MMAA: variants seen among roughly 807,000 people sequenced by gnomAD.
MMAA encodes metabolism of cobalamin associated A, also known as methylmalonic aciduria type A protein, mitochondrial.
Under a neutral mutation model 45.0 loss-of-function variants are expected in MMAA, and 41 were observed. That is an observed-to-expected ratio of 0.91 (90% CI 0.71 to 1.18). The LOEUF is 1.18. Among genes scored for constraint, MMAA ranks in the 50% most tolerant of loss-of-function variants. MMAA has a pLI of 0.00. For synonymous variants in MMAA, 154 were observed against 178.2 expected (o/e 0.86, Z 1.08); for missense variants, 460 against 495.7 (o/e 0.93, Z 0.68).
At chr4:145,643,083 AAAGTT>A (rs1163355506) in intron 3 of MMAA, among the ~76,000 whole-genome samples, 1 of 152,222 alleles carries the variant, frequency 6.6e-6, no homozygotes, top group Non-Finnish European at 1.5e-5. Context: ...GAAGTCACTC[AAAGTT>A]TAATTTGCAG....
chr4:145,654,895 A>G (rs1417120748), intron 6 of MMAA, among the ~76,000 whole-genome samples: 1 of 152,178 alleles, frequency 6.6e-6, no homozygotes, highest in Non-Finnish European at 1.5e-5. Flanking sequence ...AATAAATTAA[A>G]TTAAAATAAA....
intron 1 of MMAA, chr4:145,625,787 C>T (rs1734191958): frequency 4.2e-6 from 5 of 1,194,642 alleles, no homozygotes; most frequent in Non-Finnish European, 6.3e-6. Context: ...GTTGAATTGT[C>T]TCCTCTTTAA....
intron 5 of MMAA, among the ~76,000 whole-genome samples, chr4:145,651,956 G>C (rs1728102925): frequency 6.6e-6 from 1 of 152,184 alleles, no homozygotes; most frequent in Non-Finnish European, 1.5e-5. Context: ...TAACGGGACA[G>C]AGCTTAGGCA....
At position 145,657,786 on chromosome 4, in the gene MMAA, G is replaced by T. The variant is rs1728274130; in HGVS notation, c.*2352G>T. ...TCACTATTAAATGGGGATGACAATA[G>T]TGTCCACCTAGAGCAGGACTATTTT... On this transcript the variant is annotated 3_prime_UTR_variant, in exon 7 of 7. Transcript: ENST00000649156. 6.6e-6 allele frequency: 1 copy of T among 152,162 alleles called. No homozygotes were observed. The highest frequency in any genetic ancestry group is 2.4e-5 in the African/African-American group (1 of 41,428). 9.4% of individuals were successfully genotyped at this position (152,162 alleles called of 1,614,324 possible).
chr4:145,651,866 A>G (rs1467322424), intron 5 of MMAA, among the ~76,000 whole-genome samples: 1 of 152,202 alleles, frequency 6.6e-6, no homozygotes, highest in East Asian at 1.9e-4. Flanking sequence ...TATCATAAGG[A>G]GTGCACAACC....
intron 1 of MMAA, chr4:145,624,595 G>T: frequency 7.8e-7 from 1 of 1,280,622 alleles, no homozygotes; most frequent in Non-Finnish European, 1.1e-6. Context: ...AGGAACCATT[G>T]ACTTTGGTGC....
intron 1 of MMAA, among the ~76,000 whole-genome samples, chr4:145,634,550 T>C (rs1727554804): frequency 6.6e-6 from 1 of 151,872 alleles, no homozygotes; most frequent in Admixed American, 6.6e-5. Context: ...TTTGTTTCTC[T>C]ACCCCACTGT....
chr4:145,643,634 G>T (rs1032773073), intron 3 of MMAA, among the ~76,000 whole-genome samples: 3 of 152,036 alleles, frequency 2.0e-5, no homozygotes, highest in African/African-American at 7.2e-5. Context: ...AAAGTTAACT[G>T]TAAAATAAAA....
intron 4 of MMAA, among the ~76,000 whole-genome samples, chr4:145,648,145 G>GC (rs1396824982): frequency 3.7e-5 from 5 of 136,198 alleles, no homozygotes; most frequent in African/African-American, 1.1e-4. Context: ...ACCGTGCCTG[G>GC]CCTTTTTTTT....
At chr4:145,631,322 G>T (rs1315890505) in intron 1 of MMAA, among the ~76,000 whole-genome samples, 1 of 152,136 alleles carries the variant, frequency 6.6e-6, no homozygotes, top group African/African-American at 2.4e-5. Context: ...ATATCTGGGT[G>T]CTCCAAGGTT....
At chr4:145,627,443 T>C (rs548788037) in intron 1 of MMAA, among the ~76,000 whole-genome samples, 3 of 152,114 alleles carry the variant, frequency 2.0e-5, no homozygotes, top group Non-Finnish European at 4.4e-5. Context: ...ATAGAGTAGA[T>C]GGAGTATATA....
chr4:145,641,697 G>A (rs1182633061), intron 2 of MMAA, among the ~76,000 whole-genome samples: 1 of 152,172 alleles, frequency 6.6e-6, no homozygotes, highest in Non-Finnish European at 1.5e-5. Flanking sequence ...AAGAGGTTAA[G>A]TAATTTACCC....
intron 1 of MMAA, among the ~76,000 whole-genome samples, chr4:145,632,629 A>C (rs948556707): frequency 1.1e-4 from 17 of 152,156 alleles, no homozygotes. Flanking sequence ...CTTTAAGGCC[A>C]ATAGCTCTTA....
intron 1 of MMAA, among the ~76,000 whole-genome samples, chr4:145,634,687 G>A (rs991801017): frequency 6.6e-6 from 1 of 151,970 alleles, no homozygotes; most frequent in African/African-American, 2.4e-5. Flanking sequence ...CCTGAAGCTA[G>A]CAAGTTTGAG....
intron 1 of MMAA, among the ~76,000 whole-genome samples, chr4:145,622,029 A>C (rs932957553): frequency 1.3e-5 from 2 of 152,210 alleles, no homozygotes; most frequent in Non-Finnish European, 2.9e-5. Context: ...ACATTCATTA[A>C]TTCTGTGAGC....
chr4:145,625,869 ATGCAAC>A lies in MMAA; in HGVS notation c.-66+6465_-66+6470del, dbSNP rs1349482642. 2.2e-6 allele frequency: 3 copies of A among 1,394,064 alleles called. No individual in the cohort carries two copies. In the African/African-American group the frequency reaches 4.3e-5, roughly 20 times the overall value. 86.4% of individuals were successfully genotyped at this position (1,394,064 alleles called of 1,614,324 possible). ...TCTAAGACGTTCCAGATGACGGGTT[ATGCAAC>A]TGTGAATCTGAGCTTTGACCTCTCG... On this transcript the variant is annotated intron_variant, in intron 1 of 6. Transcript: ENST00000649156.
At chr4:145,620,798 A>G (rs1417138620) in intron 1 of MMAA, among the ~76,000 whole-genome samples, 1 of 150,280 alleles carries the variant, frequency 6.7e-6, no homozygotes, top group East Asian at 1.9e-4. Flanking sequence ...TATAGGAGAG[A>G]TATCATAGAG....
chr4:145,637,617 C>T (rs1473269177), intron 1 of MMAA, among the ~76,000 whole-genome samples: 1 of 152,074 alleles, frequency 6.6e-6, no homozygotes, highest in African/African-American at 2.4e-5. Flanking sequence ...TACAGGTATA[C>T]CTTGGAGCAA....
intron 1 of MMAA, chr4:145,625,392 C>T: frequency 2.9e-6 from 2 of 701,260 alleles, no homozygotes; most frequent in Non-Finnish European, 5.4e-6. Flanking sequence ...ATGTAAGGAG[C>T]CTAATGACCA....
Sources: gnomAD v4.1 joint callset for allele counts (sites outside exome capture counted in the v4.1 genomes callset) on GRCh38, gnomAD v4.1.1 for gene constraint, MANE v1.5 for transcripts, NCBI Gene and HGNC (gene_info 2026-07-23, HGNC 2026-07-21) for gene names.